Variants in ZNF132 observed in about 807,000 individuals in gnomAD.
ZNF132 encodes zinc finger protein 132.
Under a neutral mutation model 9.3 loss-of-function variants are expected in ZNF132, and 6 were observed. That is an observed-to-expected ratio of 0.65 (90% CI 0.35 to 1.28). ZNF132 has a LOEUF of 1.28. ZNF132 is among the 50% of genes most tolerant of loss of function. The probability of loss-of-function intolerance (pLI) is 0.03; values close to 1 mark genes in which losing one functional copy is unlikely to be tolerated. For missense variants in ZNF132, 877 were observed against 843.2 expected, an observed-to-expected ratio of 1.04 and a Z score of -0.50; for synonymous variants, 296 against 292.0, an observed-to-expected ratio of 1.01 and a Z score of -0.14.
rs755326881 is a variant in ZNF132 at position 58,439,740 on chromosome 19, T to G, written c.63+19A>C. 39 of 1,516,866 alleles carry G rather than the reference T, an allele frequency of 2.6e-5. No individual in the cohort carries two copies. The highest frequency in any genetic ancestry group is 3.2e-5 in the Non-Finnish European group (36 of 1,133,172). The allele number at this position is 1,516,866 out of a possible 1,614,324, so 94.0% of individuals were successfully genotyped here. A position where few individuals can be genotyped will look rare whatever the true frequency, so the allele number is the denominator to read the frequency against. On this transcript the variant is annotated intron_variant, in intron 1 of 2. Transcript: ENST00000254166. The stretch of plus-strand genomic sequence containing the variant: ...GCCGGAATCCCAGCGGGTGAGGGCC[T>G]GGGGCACACTCCACTTACCTGCGCC...
intron 1 of ZNF132, chr19:58,437,628 C>T (rs2052780456): frequency 1.1e-6 from 1 of 872,110 alleles, no homozygotes; most frequent in Admixed American, 6.2e-5. Flanking sequence ...CTCACCTTTA[C>T]ATGTCACTCC....
Position 58,437,077 on chromosome 19 carries a change from G to T in ZNF132, c.202C>A (p.Leu68Met), listed in dbSNP as rs2052777550. 1 of 1,614,058 alleles carries T rather than the reference G, an allele frequency of 6.2e-7. No individual in the cohort carries two copies. The highest frequency in any genetic ancestry group is 8.5e-7 in the Non-Finnish European group (1 of 1,180,028). The change falls in exon 2 of 3, where the codon CTG becomes ATG. Residue 68 changes from leucine to methionine, a missense_variant. Physicochemically the swap from Leu to Met is conservative, Grantham distance 15. Coordinates refer to ENST00000254166, the MANE Select transcript of ZNF132 (RefSeq NM_003433.4). ...GAGGTCACAAGCTCAAGGTTTTCCA[G>T]CATCACACTGTGGTACAGGTGCCTC... ...AQRHLYHSVM[L>M]ENLELVTSLG... is the part of the protein sequence containing the mutation.
At chr19:58,439,735 G>A in intron 1 of ZNF132, 24 bp downstream of exon 1, 3 of 1,502,326 alleles carry the variant, frequency 2.0e-6, no homozygotes, top group Non-Finnish European at 2.7e-6. Context: ...CAGCGGGTGA[G>A]GGCCTGGGGC....
Position 58,433,807 on chromosome 19 carries a change from C to A in ZNF132, c.1637G>T (p.Ser546Ile). The A allele has an allele frequency of 6.2e-7, 1 of 1,614,180 alleles. No individual in the cohort carries two copies. The change falls in exon 3 of 3, where the codon AGT (serine) becomes ATT (isoleucine). Residue 546 changes from serine to isoleucine, a missense_variant. Coordinates refer to ENST00000254166, the MANE Select transcript of ZNF132 (RefSeq NM_003433.4). ...IHTGEKPYEC[S>I]ECGKAFAHSS... is the part of the protein sequence containing the mutation. ...GTGAGCAAAGGCTTTCCCACACTCA[C>A]TACACTCGTAAGGCTTTTCTCCAGT... is the stretch of plus-strand genomic sequence containing the variant.
chr19:58,433,264 G>A lies in ZNF132; in HGVS notation c.*59C>T, dbSNP rs2052752395. On this transcript the variant is annotated 3_prime_UTR_variant, in exon 3 of 3. Coordinates refer to ENST00000254166, the MANE Select transcript of ZNF132 (RefSeq NM_003433.4). ...ATTTTTCTGGTATGGGGATTCTGCT[G>A]CATGAAGTTTGACTTGGCTGAAGAT... The A allele has an allele frequency of 3.9e-6, 6 of 1,528,978 alleles. No individual in the cohort carries two copies. Among genetic ancestry groups the A allele is most frequent in the African/African-American group, 2.8e-5 (2 of 72,664 alleles). The allele number at this position is 1,528,978 out of a possible 1,614,324, so 94.7% of individuals were successfully genotyped here. A position where few individuals can be genotyped will look rare whatever the true frequency, so the allele number is the denominator to read the frequency against.
chr19:58,433,548 A>G lies in ZNF132; in HGVS notation c.1896T>C (p.Cys632=), dbSNP rs1267724086. 2 of 1,614,194 alleles carry G rather than the reference A, an allele frequency of 1.2e-6. No individual in the cohort carries two copies. The highest frequency in any genetic ancestry group is 3.3e-5 in the Admixed American group (2 of 60,024). Residue 632 remains cysteine (C), a synonymous_variant, in exon 3 of 3, where the codon TGT becomes TGC. Coordinates refer to ENST00000254166, the MANE Select transcript of ZNF132 (RefSeq NM_003433.4). ...GGGAGTTACTGCTAAAGGCTCTCCC[A>G]CATTCACTGCATTCGTAAGGCCTTT... ...TGERPYECSE[C]GRAFSSNSHL... is the part of the protein sequence containing the mutation.
At position 58,434,991 on chromosome 19, in the gene ZNF132, A is replaced by G; in HGVS notation, c.453T>C (p.Phe151=). The G allele has an allele frequency of 2.5e-6, 4 of 1,614,148 alleles. No homozygotes were observed. The highest frequency in any genetic ancestry group is 3.4e-6 in the Non-Finnish European group (4 of 1,180,034). ...PYTCGACGRD[F]WLNANLHQHQ... ...GCTGGTGAAGGTTTGCATTCAACCA[A>G]AAGTCTCTCCCACATGCTCCACATG... The change falls in exon 3 of 3, where the codon TTT becomes TTC. Residue 151 remains phenylalanine, a synonymous_variant. Coordinates refer to ENST00000254166, the MANE Select transcript of ZNF132 (RefSeq NM_003433.4).
chr19:58,439,889 A>C lies in ZNF132; in HGVS notation c.-68T>G. 6 of 1,487,858 alleles carry C rather than the reference A, an allele frequency of 4.0e-6. 1 individual carries two copies. In the South Asian group the frequency reaches 6.3e-5, roughly 16 times the overall value. The allele number at this position is 1,487,858 out of a possible 1,614,324, so 92.2% of individuals were successfully genotyped here. A position where few individuals can be genotyped will look rare whatever the true frequency, so the allele number is the denominator to read the frequency against. ...CACACTTCCGCTGGGTGACGGTCGC[A>C]CTCAGGACCTGTCTTCCCAAATGCA... On this transcript the variant is annotated 5_prime_UTR_variant, in exon 1 of 3. Transcript: ENST00000254166.
intron 1 of ZNF132, among the ~76,000 whole-genome samples, chr19:58,438,731 C>T (rs1041709650): frequency 1.3e-5 from 2 of 151,696 alleles, no homozygotes. Context: ...CCTCGGCCTC[C>T]CAAAGTGCTG....
chr19:58,433,449 A>C lies in ZNF132; in HGVS notation c.1995T>G (p.Ser665Arg). The change falls in exon 3 of 3, where the codon AGT (serine) becomes AGG (arginine). Residue 665 changes from serine to arginine, a missense_variant. Coordinates refer to ENST00000254166, the MANE Select transcript of ZNF132 (RefSeq NM_003433.4). Reference sequence around the variant, plus strand: ...GGTGCCGAACAAGTGTAGATCTTTCACTAAAGGCTTTTCCACACTGGATGC... The same window carrying C: ...GGTGCCGAACAAGTGTAGATCTTTCCCTAAAGGCTTTTCCACACTGGATGC... ...YECIQCGKAF[S>R]ERSTLVRHQK... The C allele has an allele frequency of 6.3e-7, 1 of 1,585,010 alleles. No homozygotes were observed. The highest frequency in any genetic ancestry group is 8.6e-7 in the Non-Finnish European group (1 of 1,166,100).
In ZNF132 at chr19:58,434,909, G is replaced by T; in HGVS notation, c.535C>A (p.Leu179Ile). Residue 179 changes from leucine to isoleucine, a missense_variant, in exon 3 of 3, where the codon CTT becomes ATT. By Grantham distance (5) the Leu-to-Ile change is conservative (BLOSUM62 2). Coordinates refer to ENST00000254166, the MANE Select transcript of ZNF132 (RefSeq NM_003433.4). ...AGGTGGACTTTAGAGCTCTTCATAA[G>T]TGCGTCCCTGTCCTTGTACCATCTA... ...PFRWYKDRDA[L>I]MKSSKVHLSE... 1 of 1,614,158 alleles carries T rather than the reference G, an allele frequency of 6.2e-7. No homozygotes were observed. Among genetic ancestry groups the T allele is most frequent in the Non-Finnish European group, 8.5e-7 (1 of 1,180,012 alleles).
At chr19:58,435,290 A>G in intron 2 of ZNF132, 79 bp from the exon 3 acceptor site, 1 of 1,497,200 alleles carries the variant, frequency 6.7e-7, no homozygotes, top group Non-Finnish European at 9.0e-7. Context: ...GTTACCCAGG[A>G]ATTCACACCC....
chr19:58,437,582 T>C (rs1191906352), intron 1 of ZNF132: 1 of 671,534 alleles, frequency 1.5e-6, no homozygotes, highest in Non-Finnish European at 1.8e-6. Flanking sequence ...CTTAAGCCTC[T>C]TGTACCAGGG....
At position 58,433,358 on chromosome 19, in the gene ZNF132, A is replaced by G. The variant is rs1045711626; in HGVS notation, c.2086T>C (p.Cys696Arg). The change falls in exon 3 of 3, where the codon TGT (cysteine) becomes CGT (arginine). Residue 696 changes from cysteine (C) to arginine (R), a missense_variant. Transcript: ENST00000254166. ...ATCTTTTTATGCTGTGCAAGGTTAC[A>G]AAGATGGCTGAAGAGTTTCCCACAC... The part of the protein sequence containing the change: ...SQCGKLFSHL[C>R]NLAQHKKIHT The G allele has an allele frequency of 5.0e-6, 8 of 1,614,236 alleles. No individual in the cohort carries two copies. Among genetic ancestry groups the G allele is most frequent in the Non-Finnish European group, 6.8e-6 (8 of 1,180,026 alleles).
chr19:58,434,496 T>C lies in ZNF132; in HGVS notation c.948A>G (p.Val316=). 6.2e-7 allele frequency: 1 copy of C among 1,614,248 alleles called. No individual in the cohort carries two copies. The highest frequency in any genetic ancestry group is 8.5e-7 in the Non-Finnish European group (1 of 1,180,046). Residue 316 remains valine, a synonymous_variant, in exon 3 of 3, where the codon GTA becomes GTG. Transcript: ENST00000254166. The stretch of plus-strand genomic sequence containing the variant: ...CACATGCAATGCACTCATAATATTT[T>C]ACTTCAGTGTGAAATTTCTGGTGCT... ...LRKHQKFHTE[V]KYYECIACGK... is the part of the protein sequence containing the mutation.
At chr19:58,438,279 G>A (rs1307528907) in intron 1 of ZNF132, among the ~76,000 whole-genome samples, 1 of 152,020 alleles carries the variant, frequency 6.6e-6, no homozygotes, top group East Asian at 1.9e-4. Flanking sequence ...CCACACACAA[G>A]CATCCATCCC....
At chr19:58,435,464 T>C in intron 2 of ZNF132, 1 of 419,244 alleles carries the variant, frequency 2.4e-6, no homozygotes, top group Non-Finnish European at 4.3e-6. Flanking sequence ...AATAGACATT[T>C]CTCTAAAAGA....
Position 58,434,605 on chromosome 19 carries a change from C to A in ZNF132, c.839G>T (p.Gly280Val). The change falls in exon 3 of 3, where the codon GGT becomes GTT. Residue 280 changes from glycine to valine, a missense_variant. Transcript: ENST00000254166. Reference sequence around the variant, plus strand: ...TTCCCCAGTGTGAAACTTTTTATTACCAAGGATTGATTTCTCCTCTAAGAA... The same window carrying A: ...TTCCCCAGTGTGAAACTTTTTATTAACAAGGATTGATTTCTCCTCTAAGAA... ...GNFLEEKSIL[G>V]NKKFHTGEIP... The A allele has an allele frequency of 6.2e-7, 1 of 1,614,148 alleles. No individual in the cohort carries two copies. Among genetic ancestry groups the A allele is most frequent in the Admixed American group, 1.7e-5 (1 of 60,020 alleles).
rs56078209 is a variant in ZNF132 at position 58,436,667 on chromosome 19, C to CAAA, written c.232+377_232+379dup. On this transcript the variant is annotated intron_variant, in intron 2 of 2. Transcript: ENST00000254166. Reference sequence around the variant, plus strand: ...TGGGGGACAGAGCAAGACTCCATCTCAAAAAAAAAAAAAAAAAAAAAAAAA... The same window carrying CAAA: ...TGGGGGACAGAGCAAGACTCCATCTCAAAAAAAAAAAAAAAAAAAAAAAAAAAA... 1.5e-3 allele frequency among the ~76,000 whole-genome samples: 95 copies of CAAA among 65,446 alleles called. No individual in the cohort carries two copies. In the East Asian group the frequency reaches 0.039, roughly 27 times the overall value. The allele number at this position is 65,446 out of a possible 152,430, so 42.9% of individuals were successfully genotyped here. A position where few individuals can be genotyped will look rare whatever the true frequency, so the allele number is the denominator to read the frequency against.
Sources: allele counts gnomAD v4.1 joint callset (sites outside exome capture counted in the v4.1 genomes callset), GRCh38; gene constraint gnomAD v4.1.1; transcripts MANE v1.5; gene names NCBI Gene and HGNC (gene_info 2026-07-23, HGNC 2026-07-21).